The following SDK1 variants were observed in gnomAD, a reference collection of about 807,000 sequenced individuals.
SDK1 encodes the protein protein sidekick-1.
In SDK1, 157 loss-of-function variants were observed where a neutral mutation model predicts 245.5. That is an observed-to-expected ratio of 0.64 (90% CI 0.56 to 0.73). The LOEUF is 0.73. Ranked by LOEUF, SDK1 falls within the 30% of genes least tolerant of loss-of-function variation. The probability of loss-of-function intolerance (pLI) is 0.00; values close to 1 mark genes in which losing one functional copy is unlikely to be tolerated. For synonymous variants in SDK1, 1,647 were observed against 1,278.5 expected, an observed-to-expected ratio of 1.29 and a Z score of -6.15; for missense variants, 3,583 against 3,002.3, an observed-to-expected ratio of 1.19 and a Z score of -4.52.
chr7:3,380,401 A>C (rs561853457), intron 1 of SDK1, among the ~76,000 whole-genome samples: 5 of 152,364 alleles, frequency 3.3e-5, no homozygotes, highest in African/African-American at 9.6e-5. Context: ...TGTCTCCTAC[A>C]CAGCGTTTTA....
chr7:3,631,267 A>T (rs139866132), intron 2 of SDK1, among the ~76,000 whole-genome samples: 1 of 152,052 alleles, frequency 6.6e-6, no homozygotes, highest in African/African-American at 2.4e-5. Context: ...CTTTTAATCT[A>T]TTGAGCTCTC....
Position 4,266,064 on chromosome 7 carries a change from C to G in SDK1, c.*680C>G. On this transcript the variant is annotated 3_prime_UTR_variant, in exon 45 of 45. Coordinates refer to ENST00000404826, the MANE Select transcript of SDK1 (RefSeq NM_152744.4). ...GTGGTGCGGTCCTCAGGCTTTTCTG[C>G]CTGTCTTTCCCCCTTCCTTCTCACC... 2.0e-6 allele frequency: 2 copies of G among 985,472 alleles called. No individual in the cohort carries two copies. Among genetic ancestry groups the G allele is most frequent in the Non-Finnish European group, 2.4e-6 (2 of 829,958 alleles). 61.0% of individuals were successfully genotyped at this position (985,472 alleles called of 1,614,324 possible).
chr7:4,146,618 T>G (rs1419133614), intron 29 of SDK1, among the ~76,000 whole-genome samples: 2 of 152,242 alleles, frequency 1.3e-5, no homozygotes, highest in African/African-American at 2.4e-5. Context: ...AGTCACCACA[T>G]TTGAGGTTGA....
chr7:3,503,725 ATATACT>A (rs1782294338), intron 1 of SDK1, among the ~76,000 whole-genome samples: 1 of 152,142 alleles, frequency 6.6e-6, no homozygotes, highest in African/African-American at 2.4e-5. Flanking sequence ...AATAAGAATG[ATATACT>A]TAAGAGTAAA....
At chr7:3,418,970 C>T (rs932256628) in intron 1 of SDK1, among the ~76,000 whole-genome samples, 4 of 152,146 alleles carry the variant, frequency 2.6e-5, no homozygotes, top group African/African-American at 7.2e-5. Flanking sequence ...TTGTAGGGAC[C>T]ATGTTCTTGT....
intron 5 of SDK1, among the ~76,000 whole-genome samples, chr7:3,830,649 C>G (rs796504815): frequency 1.3e-5 from 2 of 152,230 alleles, no homozygotes; most frequent in African/African-American, 2.4e-5. Context: ...GTGTACACCA[C>G]CACACTTGGC....
At chr7:4,191,450 C>G (rs1357464374) in intron 35 of SDK1, among the ~76,000 whole-genome samples, 1 of 152,260 alleles carries the variant, frequency 6.6e-6, no homozygotes, top group Non-Finnish European at 1.5e-5. Context: ...GGCTCCCTCA[C>G]CTCTCACCAT....
intron 1 of SDK1, among the ~76,000 whole-genome samples, chr7:3,548,977 A>G (rs1468148262): frequency 6.6e-6 from 1 of 152,174 alleles, no homozygotes; most frequent in African/African-American, 2.4e-5. Context: ...TACTCTCCCT[A>G]CTATCAATAT....
At chr7:3,769,355 C>A (rs548039629) in intron 4 of SDK1, among the ~76,000 whole-genome samples, 1 of 152,126 alleles carries the variant, frequency 6.6e-6, no homozygotes, top group African/African-American at 2.4e-5. Flanking sequence ...TAGTACAGGG[C>A]AGTATATAGT....
At chr7:3,328,845 C>A (rs1162606786) in intron 1 of SDK1, among the ~76,000 whole-genome samples, 1 of 151,946 alleles carries the variant, frequency 6.6e-6, no homozygotes, top group Non-Finnish European at 1.5e-5. Context: ...GTTTGGTTGT[C>A]TTTTTTGTTT....
chr7:4,144,833 C>G (rs1388339239), intron 28 of SDK1, among the ~76,000 whole-genome samples: 2 of 152,192 alleles, frequency 1.3e-5, no homozygotes, highest in African/African-American at 4.8e-5. Flanking sequence ...TGCGTCCTCC[C>G]TTGTTTAACT....
At chr7:4,246,778 C>G (rs960528066) in intron 44 of SDK1, among the ~76,000 whole-genome samples, 1 of 152,124 alleles carries the variant, frequency 6.6e-6, no homozygotes, top group Non-Finnish European at 1.5e-5. Flanking sequence ...AGCCTCCACG[C>G]GCTCCCTCCA....
intron 1 of SDK1, among the ~76,000 whole-genome samples, chr7:3,339,693 A>C (rs1562424591): frequency 6.6e-6 from 1 of 152,142 alleles, no homozygotes; most frequent in African/African-American, 2.4e-5. Context: ...TAAAAATGAA[A>C]ATATGTTATT....
At chr7:4,182,414 C>T (rs926594732) in intron 35 of SDK1, among the ~76,000 whole-genome samples, 5 of 152,164 alleles carry the variant, frequency 3.3e-5, no homozygotes, top group African/African-American at 7.2e-5. Context: ...AGGGGTATTG[C>T]CAGAGGGGAT....
intron 1 of SDK1, among the ~76,000 whole-genome samples, chr7:3,361,153 T>C (rs1780941037): frequency 6.6e-6 from 1 of 152,232 alleles, no homozygotes; most frequent in South Asian, 2.1e-4. Flanking sequence ...GTTTTTTCTA[T>C]ATTACAATTA....
intron 4 of SDK1, among the ~76,000 whole-genome samples, chr7:3,775,788 G>C (rs1210574878): frequency 6.6e-6 from 1 of 151,932 alleles, no homozygotes; most frequent in Admixed American, 6.6e-5. Context: ...TTGTTAGCCA[G>C]GATGGTCTCG....
chr7:3,896,879 G>C (rs931461118), intron 5 of SDK1, among the ~76,000 whole-genome samples: 4 of 152,146 alleles, frequency 2.6e-5, no homozygotes, highest in Non-Finnish European at 4.4e-5. Context: ...AACTACCTGA[G>C]ACTGGGTAAT....
At chr7:3,990,168 C>T (rs1784186823) in intron 14 of SDK1, among the ~76,000 whole-genome samples, 1 of 152,254 alleles carries the variant, frequency 6.6e-6, no homozygotes, top group African/African-American at 2.4e-5. Flanking sequence ...AACCAGTTCA[C>T]CGAGGGAAGG....
intron 4 of SDK1, among the ~76,000 whole-genome samples, chr7:3,713,696 A>G (rs189722078): frequency 6.6e-6 from 1 of 152,234 alleles, no homozygotes; most frequent in South Asian, 2.1e-4. Flanking sequence ...ATCACTGATC[A>G]TAGAACCTGG....
Sources: gnomAD v4.1 joint callset for allele counts (sites outside exome capture counted in the v4.1 genomes callset) on GRCh38, gnomAD v4.1.1 for gene constraint, MANE v1.5 for transcripts, NCBI Gene and HGNC (gene_info 2026-07-23, HGNC 2026-07-21) for gene names.